The following STX7 variants were observed in gnomAD, a reference collection of about 807,000 sequenced individuals.
STX7 encodes syntaxin 7.
In STX7, 34 loss-of-function variants were observed where a neutral mutation model predicts 39.6. That is an observed-to-expected ratio of 0.86 (90% confidence interval 0.65 to 1.14). The LOEUF (loss-of-function observed/expected upper bound fraction) is 1.14, where lower values mean the gene tolerates loss of function less well. Ranked by LOEUF, STX7 falls within the 50% of genes most tolerant of loss-of-function variation. STX7 has a pLI of 0.00. For synonymous variants in STX7, 119 were observed against 99.1 expected, an observed-to-expected ratio of 1.20 and a Z score of -1.19; for missense variants, 284 against 310.4, an observed-to-expected ratio of 0.92 and a Z score of 0.64.
intron 2 of STX7, among the ~76,000 whole-genome samples, chr6:132,484,537 C>T (rs1775083821): frequency 6.6e-6 from 1 of 152,180 alleles, no homozygotes; most frequent in Admixed American, 6.5e-5. Context: ...ACCTAACACA[C>T]ACACAGAGTA....
At chr6:132,507,338 C>T (rs541338226) in intron 1 of STX7, among the ~76,000 whole-genome samples, 6 of 152,078 alleles carry the variant, frequency 3.9e-5, no homozygotes, top group South Asian at 2.1e-4. Flanking sequence ...TATGGCAATA[C>T]AATACACCTA....
intron 2 of STX7, among the ~76,000 whole-genome samples, chr6:132,482,541 G>A (rs1775038262): frequency 1.3e-5 from 2 of 152,054 alleles, no homozygotes; most frequent in African/African-American, 4.8e-5. Flanking sequence ...TAGATTTCTT[G>A]GTTTTCAAAA....
intron 1 of STX7, among the ~76,000 whole-genome samples, chr6:132,511,054 G>A (rs945559445): frequency 3.5e-4 from 53 of 152,122 alleles, no homozygotes; most frequent in African/African-American, 1.3e-3. Flanking sequence ...TCTACCCCAA[G>A]TAAGTTCTGA....
At chr6:132,491,835 TCCATTGATCCTG>T (rs1775297634) in intron 2 of STX7, among the ~76,000 whole-genome samples, 1 of 152,044 alleles carries the variant, frequency 6.6e-6, no homozygotes, top group African/African-American at 2.4e-5. Context: ...CAACCTGCCA[TCCATTGATCCTG>T]CCACTCTGCC....
chr6:132,483,133 C>T (rs1345145094), intron 2 of STX7, among the ~76,000 whole-genome samples: 1 of 152,150 alleles, frequency 6.6e-6, no homozygotes, highest in Non-Finnish European at 1.5e-5. Context: ...CCTTCACTAT[C>T]CCTAGAGGAT....
rs1774365897 is a variant in STX7, at chr6:132,460,588, A to G, written c.*170T>C. 2 of 459,256 alleles carry G rather than the reference A, an allele frequency of 4.4e-6. No individual in the cohort carries two copies. Among genetic ancestry groups the G allele is most frequent in the Admixed American group, 4.0e-5 (1 of 24,930 alleles). 28.4% of individuals were successfully genotyped at this position (459,256 alleles called of 1,614,324 possible). ...TTAGAAAATCTTTCAGTATTAGAAA[A>G]TATCAGATTTAATCCAAAGGAACCA... On this transcript the variant is annotated 3_prime_UTR_variant, in exon 10 of 10. Coordinates refer to ENST00000367941, the MANE Select transcript of STX7 (RefSeq NM_003569.3).
chr6:132,505,157 G>A (rs748103092), intron 1 of STX7, among the ~76,000 whole-genome samples: 3 of 152,198 alleles, frequency 2.0e-5, no homozygotes, highest in Non-Finnish European at 2.9e-5. Context: ...AGCAAACAGC[G>A]GGCTTATTAT....
At position 132,447,969 on chromosome 6, in the gene STX7, C is replaced by T. The variant is rs972243148; in HGVS notation, c.*12789G>A. ...AAGTTGGGATTTCTAAAGTGTTTTT[C>T]CCTTATTTCAGAATGTTTCCTCTCT... On this transcript the variant is annotated 3_prime_UTR_variant, in exon 10 of 10. Coordinates refer to ENST00000367941, the MANE Select transcript of STX7 (RefSeq NM_003569.3). 2.0e-4 allele frequency: 30 copies of T among 151,924 alleles called. No individual in the cohort carries two copies. The highest frequency in any genetic ancestry group is 7.0e-4 in the African/African-American group (29 of 41,376). The allele number at this position is 151,924 out of a possible 1,614,324, so 9.4% of individuals were successfully genotyped here. A position where few individuals can be genotyped will look rare whatever the true frequency, so the allele number is the denominator to read the frequency against.
At chr6:132,469,281 T>C (rs1258914177) in intron 7 of STX7, among the ~76,000 whole-genome samples, 1 of 152,210 alleles carries the variant, frequency 6.6e-6, no homozygotes, top group Non-Finnish European at 1.5e-5. Flanking sequence ...TAAAAGGTCT[T>C]ACTCATGCAG....
rs144708135 is a variant in STX7, at chr6:132,509,517, A to C, written c.-59+3490T>G. Among the ~76,000 whole-genome samples, 979 of 140,736 alleles carry C rather than the reference A, an allele frequency of 7.0e-3. 22 individuals carry two copies. The highest frequency in any genetic ancestry group is 0.025 in the East Asian group (123 of 4,920). 92.3% of individuals were successfully genotyped at this position (140,736 alleles called of 152,430 possible). ...CATAACATAACATAACATAACATAAAATAAAAAAAGACAAAAGAAAAACCA... is the reference window on the plus strand; with the variant it reads ...CATAACATAACATAACATAACATAACATAAAAAAAGACAAAAGAAAAACCA... On this transcript the variant is annotated intron_variant, in intron 1 of 9. Transcript: ENST00000367941.
intron 2 of STX7, among the ~76,000 whole-genome samples, chr6:132,481,389 C>T (rs1287024735): frequency 1.3e-5 from 2 of 152,028 alleles, no homozygotes; most frequent in Non-Finnish European, 2.9e-5. Context: ...TTGAACATTG[C>T]TTACCTTCAT....
intron 2 of STX7, among the ~76,000 whole-genome samples, chr6:132,488,499 T>A (rs985264135): frequency 6.6e-6 from 1 of 152,198 alleles, no homozygotes; most frequent in Non-Finnish European, 1.5e-5. Context: ...TGTGGCTTTG[T>A]CTATTTTCCT....
chr6:132,498,888 A>C (rs1294758918), intron 2 of STX7, among the ~76,000 whole-genome samples: 1 of 152,188 alleles, frequency 6.6e-6, no homozygotes, highest in Non-Finnish European at 1.5e-5. Context: ...GAATTAGAAA[A>C]AGTACAGTGA....
At position 132,471,681 on chromosome 6, in the gene STX7, A is replaced by G. The variant is rs1024211521; in HGVS notation, c.250-81T>C. The G allele has an allele frequency of 2.0e-6, 3 of 1,531,656 alleles. No individual in the cohort carries two copies. In the South Asian group the frequency reaches 3.7e-5, roughly 19 times the overall value. 94.9% of individuals were successfully genotyped at this position (1,531,656 alleles called of 1,614,324 possible). ...TTTGCGGTAGTTGGCTCTTTATTTA[A>G]CCCTGAAGTTTTCACTTACTCCCCA... On this transcript the variant is annotated intron_variant, in intron 4 of 9. Coordinates refer to ENST00000367941, the MANE Select transcript of STX7 (RefSeq NM_003569.3).
intron 7 of STX7, among the ~76,000 whole-genome samples, chr6:132,469,566 G>T (rs35861289): frequency 0.017 from 2,518 of 152,196 alleles, 28 homozygotes; most frequent in Non-Finnish European, 0.023. Flanking sequence ...GGCCAGACAT[G>T]GTGGCTCACA....
rs1443649726 is a variant in STX7 at position 132,447,232 on chromosome 6, C to T, written c.*13526G>A. ...GTTAGACTCACTAGACATTGATTAGCTGACTGACATAGAGCGTTTCTTATC... is the reference window on the plus strand; with the variant it reads ...GTTAGACTCACTAGACATTGATTAGTTGACTGACATAGAGCGTTTCTTATC... On this transcript the variant is annotated 3_prime_UTR_variant, in exon 10 of 10. Coordinates refer to ENST00000367941, the MANE Select transcript of STX7 (RefSeq NM_003569.3). The T allele has an allele frequency of 6.6e-6, 1 of 152,140 alleles. No individual in the cohort carries two copies. Among genetic ancestry groups the T allele is most frequent in the Middle Eastern group, 3.2e-3 (1 of 316 alleles). 9.4% of individuals were successfully genotyped at this position (152,140 alleles called of 1,614,324 possible). A position where few individuals can be genotyped will look rare whatever the true frequency, so the allele number is the denominator to read the frequency against.
intron 9 of STX7, among the ~76,000 whole-genome samples, chr6:132,463,700 A>G (rs1774479812): frequency 6.6e-6 from 1 of 152,208 alleles, no homozygotes; most frequent in Admixed American, 6.5e-5. Flanking sequence ...AAATGTCACA[A>G]TGACATCAGA....
At chr6:132,470,510 G>A in intron 6 of STX7, 64 bp downstream of exon 6, 2 of 1,169,714 alleles carry the variant, frequency 1.7e-6, no homozygotes, top group Non-Finnish European at 2.5e-6. Context: ...TCTGTTCCAG[G>A]GACCTTAATG....
rs963047895 is a variant in STX7, at chr6:132,456,139, C to A, written c.*4619G>T. On this transcript the variant is annotated 3_prime_UTR_variant, in exon 10 of 10. Coordinates refer to ENST00000367941, the MANE Select transcript of STX7 (RefSeq NM_003569.3). Reference sequence around the variant, plus strand: ...AATCCAACTGCTGCCACCAAGAGAACGGCTCCTTTTTGGAGCCATTACACA... The same window carrying A: ...AATCCAACTGCTGCCACCAAGAGAAAGGCTCCTTTTTGGAGCCATTACACA... The A allele has an allele frequency of 1.3e-5, 2 of 152,100 alleles. No individual in the cohort carries two copies. Among genetic ancestry groups the A allele is most frequent in the Non-Finnish European group, 2.9e-5 (2 of 68,030 alleles). The allele number at this position is 152,100 out of a possible 1,614,324, so 9.4% of individuals were successfully genotyped here.
Sources: allele counts gnomAD v4.1 joint callset (sites outside exome capture counted in the v4.1 genomes callset), GRCh38; gene constraint gnomAD v4.1.1; transcripts MANE v1.5; gene names NCBI Gene and HGNC (gene_info 2026-07-23, HGNC 2026-07-21).